Variants in TENM2 observed in about 807,000 individuals in gnomAD.
TENM2 encodes the protein teneurin transmembrane protein 2, also known as teneurin-2.
A neutral mutation model predicts 245.2 loss-of-function variants in TENM2; 52 were observed. The ratio of observed to expected loss-of-function variants is 0.21; its 90% CI spans 0.17 to 0.27. TENM2 has a LOEUF of 0.27. TENM2 is among the 10% of genes least tolerant of loss of function. The probability of loss-of-function intolerance (pLI) is 1.00; values close to 1 mark genes in which losing one functional copy is unlikely to be tolerated. For synonymous variants in TENM2, 1,363 were observed against 1,438.9 expected, an observed-to-expected ratio of 0.95 and a Z score of 1.19; for missense variants, 3,046 against 3,666.8, an observed-to-expected ratio of 0.83 and a Z score of 4.37.
intron 3 of TENM2, among the ~76,000 whole-genome samples, chr5:167,900,831 G>A (rs528584827): frequency 1.3e-5 from 2 of 151,492 alleles, no homozygotes; most frequent in East Asian, 1.9e-4. Flanking sequence ...TGATTGGGGT[G>A]GGGGGGTGAG....
intron 4 of TENM2, among the ~76,000 whole-genome samples, chr5:167,961,450 A>G (rs1781007130): frequency 6.6e-6 from 1 of 152,230 alleles, no homozygotes; most frequent in South Asian, 2.1e-4. Flanking sequence ...TTTTTACGTT[A>G]ACAGACTATT....
At chr5:167,553,309 T>C (rs1465445863) in intron 2 of TENM2, among the ~76,000 whole-genome samples, 1 of 152,112 alleles carries the variant, frequency 6.6e-6, no homozygotes, top group Non-Finnish European at 1.5e-5. Context: ...AACAGAGGGC[T>C]GGGAGGAGGG....
chr5:168,262,669 C>T lies in TENM2; in HGVS notation c.8184C>T (p.Gly2728=), dbSNP rs369019527. The change falls in exon 29 of 29, where the codon GGC becomes GGT. Residue 2728 remains glycine (G), a synonymous_variant. Coordinates refer to ENST00000518659, the Ensembl canonical transcript of TENM2. Reference sequence around the variant, plus strand: ...AGGGGAGCCGCCTGTGGACTGAGGGCGAGAAGCAGCAGCTTCTGAGCACCG... The same window carrying T: ...AGGGGAGCCGCCTGTGGACTGAGGGTGAGAAGCAGCAGCTTCTGAGCACCG... The T allele has an allele frequency of 2.7e-5, 43 of 1,608,136 alleles. No individual in the cohort carries two copies. The Middle Eastern group carries it at 4.9e-4, about 18-fold the overall frequency.
At chr5:167,804,254 A>G (rs1023223548) in intron 2 of TENM2, among the ~76,000 whole-genome samples, 7 of 152,012 alleles carry the variant, frequency 4.6e-5, no homozygotes, top group African/African-American at 1.7e-4. Flanking sequence ...TCTAGTTTCT[A>G]TGATAATAAA....
intron 2 of TENM2, among the ~76,000 whole-genome samples, chr5:167,816,087 T>A (rs1767035648): frequency 6.6e-6 from 1 of 151,242 alleles, no homozygotes; most frequent in South Asian, 2.1e-4. Context: ...AGGGAAACAA[T>A]AGAGAAACCT....
At chr5:167,802,057 T>C (rs907751013) in intron 2 of TENM2, among the ~76,000 whole-genome samples, 3 of 152,106 alleles carry the variant, frequency 2.0e-5, no homozygotes, top group African/African-American at 7.2e-5. Context: ...ATATCAGGTG[T>C]CCTCACGTGG....
intron 23 of TENM2, among the ~76,000 whole-genome samples, chr5:168,225,499 G>A (rs571744120): frequency 4.3e-4 from 66 of 152,278 alleles, no homozygotes; most frequent in African/African-American, 1.4e-3. Context: ...CGTGGCTCAC[G>A]CCTGTAATTC....
At chr5:167,916,595 GC>G (rs1554144526) in intron 3 of TENM2, among the ~76,000 whole-genome samples, 9 of 152,036 alleles carry the variant, frequency 5.9e-5, no homozygotes, top group Non-Finnish European at 1.5e-5. Context: ...CTTTGATCTG[GC>G]CCCCCTCCCT....
At chr5:167,149,927 A>G in the TENM2 span, among the ~76,000 whole-genome samples, 3 of 152,234 alleles carry the variant, frequency 2.0e-5, no homozygotes, top group Middle Eastern at 3.4e-3. Context: ...TGCTTGAAGG[A>G]GGGCATGGCA....
At chr5:167,104,771 G>T in the TENM2 span, among the ~76,000 whole-genome samples, 1 of 152,062 alleles carries the variant, frequency 6.6e-6, no homozygotes, top group South Asian at 2.1e-4. Flanking sequence ...AACACCTCAG[G>T]CCAGATTACA....
At chr5:167,318,617 G>T (rs369412317) in intron 1 of TENM2, among the ~76,000 whole-genome samples, 1 of 152,106 alleles carries the variant, frequency 6.6e-6, no homozygotes, top group African/African-American at 2.4e-5. Flanking sequence ...TCAAAATAGG[G>T]CCTTACTGCC....
At chr5:167,754,692 C>A (rs1762176066) in intron 2 of TENM2, among the ~76,000 whole-genome samples, 2 of 145,774 alleles carry the variant, frequency 1.4e-5, no homozygotes, top group Non-Finnish European at 3.0e-5. Flanking sequence ...CACATGTACA[C>A]ACATGCACAT....
intron 7 of TENM2, among the ~76,000 whole-genome samples, chr5:168,088,522 C>T (rs1463686719): frequency 6.6e-6 from 1 of 152,174 alleles, no homozygotes; most frequent in Non-Finnish European, 1.5e-5. Context: ...ACTAGAACCA[C>T]GCACTGCTCG....
the TENM2 span, among the ~76,000 whole-genome samples, chr5:167,076,001 C>G: frequency 2.6e-5 from 4 of 152,196 alleles, no homozygotes; most frequent in African/African-American, 2.4e-5. Flanking sequence ...CAGACCAGCC[C>G]TGGCTCTTTC....
At chr5:168,073,218 A>C (rs1018270613) in intron 7 of TENM2, among the ~76,000 whole-genome samples, 11 of 152,218 alleles carry the variant, frequency 7.2e-5, no homozygotes, top group Admixed American at 7.2e-4. Flanking sequence ...TAACATGTTC[A>C]ACAAATATCA....
intron 2 of TENM2, among the ~76,000 whole-genome samples, chr5:167,686,521 TA>T (rs1162155906): frequency 6.6e-6 from 1 of 152,178 alleles, no homozygotes; most frequent in African/African-American, 2.4e-5. Flanking sequence ...CCGAGGGCTT[TA>T]AAAATGGAAA....
chr5:168,057,921 ACTCT>A (rs58072390), intron 6 of TENM2, among the ~76,000 whole-genome samples: 2 of 150,230 alleles, frequency 1.3e-5, no homozygotes, highest in Non-Finnish European at 3.0e-5. Flanking sequence ...ATATGGCTTT[ACTCT>A]CTCTCTCTCT....
chr5:168,208,704 A>G (rs1414273370), intron 19 of TENM2, among the ~76,000 whole-genome samples: 2 of 152,366 alleles, frequency 1.3e-5, no homozygotes, highest in East Asian at 1.9e-4. Context: ...AGTAAAAACA[A>G]TGTCCCCATA....
intron 5 of TENM2, among the ~76,000 whole-genome samples, chr5:168,035,144 G>A (rs1478320712): frequency 6.6e-6 from 1 of 152,092 alleles, no homozygotes; most frequent in Admixed American, 6.6e-5. Context: ...TAATATTTTG[G>A]ATATATTGAG....
Sources: gnomAD v4.1 joint callset for allele counts (sites outside exome capture counted in the v4.1 genomes callset) on GRCh38, gnomAD v4.1.1 for gene constraint, MANE v1.5 for transcripts, NCBI Gene and HGNC (gene_info 2026-07-23, HGNC 2026-07-21) for gene names.